The following SFT2D2 variants were observed in gnomAD, a reference collection of about 807,000 sequenced individuals.
SFT2D2 encodes SFT2 domain containing 2, also known as vesicle transport protein SFT2B.
Under a neutral mutation model 27.4 loss-of-function variants are expected in SFT2D2, and 21 were observed. That is an observed-to-expected ratio of 0.77 (90% CI 0.54 to 1.10). SFT2D2 has a LOEUF of 1.10. Among genes scored for constraint, SFT2D2 ranks in the 50% least tolerant of loss-of-function variants. The probability of loss-of-function intolerance (pLI) is 0.00; values close to 1 mark genes in which losing one functional copy is unlikely to be tolerated. For synonymous variants in SFT2D2, 72 were observed against 71.7 expected (o/e 1.00, Z -0.02); for missense variants, 187 against 194.2 (o/e 0.96, Z 0.22).
chr1:168,231,701 G>C (rs1647318035), intron 2 of SFT2D2, 101 bp downstream of exon 2: 1 of 1,443,776 alleles, frequency 6.9e-7, no homozygotes, highest in African/African-American at 1.4e-5. Flanking sequence ...TCACTAAAAT[G>C]CATGGATGAG....
Position 168,252,925 on chromosome 1 carries a change from T to G in SFT2D2, c.*10385T>G, listed in dbSNP as rs1410739135. On this transcript the variant is annotated 3_prime_UTR_variant, in exon 8 of 8. Transcript: ENST00000271375. ...TGTTTTCTTTATGCTAACTTAACTT[T>G]AAAAGGAATGTTGCCAAGCTGTCTC... 2 of 152,226 alleles carry G rather than the reference T, an allele frequency of 1.3e-5. No homozygotes were observed. Among genetic ancestry groups the G allele is most frequent in the Non-Finnish European group, 2.9e-5 (2 of 68,044 alleles). 9.4% of individuals were successfully genotyped at this position (152,226 alleles called of 1,614,324 possible).
intron 1 of SFT2D2, among the ~76,000 whole-genome samples, chr1:168,230,067 T>G (rs1196581724): frequency 1.3e-5 from 2 of 152,194 alleles, no homozygotes; most frequent in African/African-American, 4.8e-5. Context: ...ACCTTTCTCC[T>G]GAGTGGAGAG....
intron 3 of SFT2D2, among the ~76,000 whole-genome samples, chr1:168,233,118 T>C (rs1647375247): frequency 1.3e-5 from 2 of 152,226 alleles, no homozygotes; most frequent in African/African-American, 4.8e-5. Flanking sequence ...GCTTCACCGT[T>C]GTCCCATTCC....
At chr1:168,234,410 CA>C (rs147035118) in intron 3 of SFT2D2, among the ~76,000 whole-genome samples, 7 of 148,512 alleles carry the variant, frequency 4.7e-5, no homozygotes, top group Non-Finnish European at 7.5e-5. Flanking sequence ...AAAAAACAAA[CA>C]AAAAAAACCC....
rs1647905892 is a variant in SFT2D2, at chr1:168,249,599, GT to G, written c.*7060del. The G allele has an allele frequency of 6.6e-6, 1 of 152,668 alleles. No individual in the cohort carries two copies. Among genetic ancestry groups the G allele is most frequent in the East Asian group, 1.9e-4 (1 of 5,182 alleles). 9.5% of individuals were successfully genotyped at this position (152,668 alleles called of 1,614,324 possible). A position where few individuals can be genotyped will look rare whatever the true frequency, so the allele number is the denominator to read the frequency against. ...ATGAGGCCAAGGTACCTTTTAAGAT[GT>G]CACCTGTATAGCATACTAGTAGTGA... On this transcript the variant is annotated 3_prime_UTR_variant, in exon 8 of 8. Coordinates refer to ENST00000271375, the MANE Select transcript of SFT2D2 (RefSeq NM_199344.3).
chr1:168,239,779 G>A (rs181268861), intron 7 of SFT2D2, among the ~76,000 whole-genome samples: 18 of 150,766 alleles, frequency 1.2e-4, no homozygotes, highest in Non-Finnish European at 1.8e-4. Context: ...AAAATTAGCC[G>A]CATGATCTTT....
Position 168,249,815 on chromosome 1 carries a change from G to A in SFT2D2, c.*7275G>A, listed in dbSNP as rs977081229. 6.6e-6 allele frequency: 1 copy of A among 152,202 alleles called. No individual in the cohort carries two copies. Among genetic ancestry groups the A allele is most frequent in the African/African-American group, 2.4e-5 (1 of 41,446 alleles). 9.4% of individuals were successfully genotyped at this position (152,202 alleles called of 1,614,324 possible). On this transcript the variant is annotated 3_prime_UTR_variant, in exon 8 of 8. Transcript: ENST00000271375. ...AGACGTGTCAAGTGCTTAGAATAGG[G>A]CTTGGCATAAGTAGAGTCTCAGTAG...
rs777906514 is a variant in SFT2D2 at position 168,247,132 on chromosome 1, C to T, written c.*4592C>T. 9.9e-6 allele frequency: 3 copies of T among 302,882 alleles called. No individual in the cohort carries two copies. Among genetic ancestry groups the T allele is most frequent in the South Asian group, 6.3e-5 (2 of 31,650 alleles). 18.8% of individuals were successfully genotyped at this position (302,882 alleles called of 1,614,324 possible). A position where few individuals can be genotyped will look rare whatever the true frequency, so the allele number is the denominator to read the frequency against. The stretch of plus-strand genomic sequence containing the variant: ...AGTCTTTTTCATTTTTTAATTTTTA[C>T]TGTAAGTCACTCAGTGATTATCTTT... On this transcript the variant is annotated 3_prime_UTR_variant, in exon 8 of 8. Transcript: ENST00000271375.
intron 4 of SFT2D2, among the ~76,000 whole-genome samples, 184 bp from the exon 5 acceptor site, chr1:168,236,405 T>C (rs1190356536): frequency 6.6e-6 from 1 of 152,258 alleles, no homozygotes; most frequent in Non-Finnish European, 1.5e-5. Flanking sequence ...TGTGAATCTT[T>C]ATTGGCTAGT....
chr1:168,241,333 A>G (rs1178238466), intron 7 of SFT2D2, among the ~76,000 whole-genome samples: 1 of 146,730 alleles, frequency 6.8e-6, no homozygotes, highest in African/African-American at 2.5e-5. Flanking sequence ...CTCAGCCTCC[A>G]TGTGCACGCC....
In SFT2D2 at chr1:168,245,733, A is replaced by G. The variant is rs994765501; in HGVS notation, c.*3193A>G. 8 of 152,712 alleles carry G rather than the reference A, an allele frequency of 5.2e-5. No homozygotes were observed. Among genetic ancestry groups the G allele is most frequent in the African/African-American group, 1.4e-4 (6 of 41,558 alleles). 9.5% of individuals were successfully genotyped at this position (152,712 alleles called of 1,614,324 possible). ...GGAACCTCTGCTACAGAGGATCCAG[A>G]TTTAAATTCAGAAGAAGCTTCATCT... On this transcript the variant is annotated 3_prime_UTR_variant, in exon 8 of 8. Transcript: ENST00000271375.
intron 3 of SFT2D2, among the ~76,000 whole-genome samples, chr1:168,234,868 G>A (rs1363879049): frequency 6.6e-6 from 1 of 152,170 alleles, no homozygotes; most frequent in African/African-American, 2.4e-5. Context: ...CCCTAGTTGG[G>A]TGGCCTTGGA....
chr1:168,246,746 C>CGTTCTAAACTGGAGA lies in SFT2D2; in HGVS notation c.*4206_*4207insGTTCTAAACTGGAGA. On this transcript the variant is annotated 3_prime_UTR_variant, in exon 8 of 8. Coordinates refer to ENST00000271375, the MANE Select transcript of SFT2D2 (RefSeq NM_199344.3). ...TTTGCCTGCTTTGTTTTTCCTTCTC[C>CGTTCTAAACTGGAGA]AGTTTAGAACGGAGCATTGTGTTCT... 1.2e-6 allele frequency: 1 copy of CGTTCTAAACTGGAGA among 809,534 alleles called. No homozygotes were observed. The highest frequency in any genetic ancestry group is 2.1e-6 in the Non-Finnish European group (1 of 484,746). The allele number at this position is 809,534 out of a possible 1,614,324, so 50.1% of individuals were successfully genotyped here. A position where few individuals can be genotyped will look rare whatever the true frequency, so the allele number is the denominator to read the frequency against.
chr1:168,234,187 A>G (rs1214123024), intron 3 of SFT2D2, among the ~76,000 whole-genome samples: 1 of 152,140 alleles, frequency 6.6e-6, no homozygotes, highest in Non-Finnish European at 1.5e-5. Flanking sequence ...CACGAGGTCA[A>G]GAGATCGAGA....
intron 6 of SFT2D2, 145 bp downstream of exon 6, chr1:168,236,915 T>A: frequency 3.8e-6 from 4 of 1,047,652 alleles, no homozygotes; most frequent in Non-Finnish European, 5.7e-6. Context: ...GAAAGTGAAG[T>A]CAGGCTCCAG....
intron 6 of SFT2D2, among the ~76,000 whole-genome samples, chr1:168,237,629 A>G (rs1647537694): frequency 6.6e-6 from 1 of 152,256 alleles, no homozygotes; most frequent in African/African-American, 2.4e-5. Context: ...GATTGTGGAC[A>G]TTTTAAAGTT....
intron 2 of SFT2D2, 28 bp from the exon 3 acceptor site, chr1:168,231,806 T>C (rs777847579): frequency 6.2e-7 from 1 of 1,610,538 alleles, no homozygotes; most frequent in Non-Finnish European, 8.5e-7. Context: ...GGGTTGCTCA[T>C]GTGCAAACAC....
At chr1:168,232,670 T>G (rs1012880227) in intron 3 of SFT2D2, among the ~76,000 whole-genome samples, 1 of 152,212 alleles carries the variant, frequency 6.6e-6, no homozygotes, top group Admixed American at 6.5e-5. Flanking sequence ...TCCCCATGGC[T>G]GTTTGTGCTT....
rs903088712 is a variant in SFT2D2 at position 168,231,437 on chromosome 1, T to C, written c.64-77T>C. On this transcript the variant is annotated intron_variant, in intron 1 of 7. Coordinates refer to ENST00000271375, the MANE Select transcript of SFT2D2 (RefSeq NM_199344.3). Reference sequence around the variant, plus strand: ...TGCCTTCCCTAATACAACTTAACACTTTCTAGATTTAGTTATGTGCTTGCT... The same window carrying C: ...TGCCTTCCCTAATACAACTTAACACCTTCTAGATTTAGTTATGTGCTTGCT... 4.7e-6 allele frequency: 6 copies of C among 1,268,260 alleles called. No individual in the cohort carries two copies. In the African/African-American group the frequency reaches 9.0e-5, roughly 19 times the overall value. 78.6% of individuals were successfully genotyped at this position (1,268,260 alleles called of 1,614,324 possible).
Sources: allele counts gnomAD v4.1 joint callset (sites outside exome capture counted in the v4.1 genomes callset), GRCh38; gene constraint gnomAD v4.1.1; transcripts MANE v1.5; gene names NCBI Gene and HGNC (gene_info 2026-07-23, HGNC 2026-07-21).